The following ENPP6 variants were observed in gnomAD, a reference collection of about 807,000 sequenced individuals.
ENPP6 encodes ectonucleotide pyrophosphatase/phosphodiesterase 6.
Under a neutral mutation model 42.0 loss-of-function variants are expected in ENPP6, and 32 were observed. The ratio of observed to expected loss-of-function variants is 0.76; its 90% CI spans 0.58 to 1.02. The LOEUF is 1.02. ENPP6 is among the 50% of genes least tolerant of loss of function. ENPP6 has a pLI of 0.00. For synonymous variants in ENPP6, 213 were observed against 216.0 expected (o/e 0.99, Z 0.12); for missense variants, 552 against 566.8 (o/e 0.97, Z 0.27).
intron 2 of ENPP6, among the ~76,000 whole-genome samples, chr4:184,125,549 T>C (rs1221226784): frequency 6.6e-6 from 1 of 152,024 alleles, no homozygotes; most frequent in Non-Finnish European, 1.5e-5. Flanking sequence ...ACCCCACCCC[T>C]GGGTACATCT....
chr4:184,141,916 C>T (rs185754976), intron 2 of ENPP6, among the ~76,000 whole-genome samples: 6 of 152,240 alleles, frequency 3.9e-5, no homozygotes, highest in East Asian at 1.9e-4. Context: ...AAATCTGTAA[C>T]GTCTACAATA....
chr4:184,128,819 A>G (rs1736547409), intron 2 of ENPP6, among the ~76,000 whole-genome samples: 1 of 152,234 alleles, frequency 6.6e-6, no homozygotes, highest in Admixed American at 6.5e-5. Flanking sequence ...AAAACTGATC[A>G]TATTCTGGTC....
intron 1 of ENPP6, among the ~76,000 whole-genome samples, chr4:184,158,048 T>C (rs983219428): frequency 3.3e-5 from 5 of 152,196 alleles, no homozygotes; most frequent in Non-Finnish European, 7.3e-5. Flanking sequence ...TCTTTTATTC[T>C]TTTTGCATCC....
Position 184,141,709 on chromosome 4 carries a change from T to C in ENPP6, c.421+11845A>G, listed in dbSNP as rs142922532. Reference sequence around the variant, plus strand: ...TCCTGATTGGAAAATAGAGCATTAGTGAGAACTTAAAGGACAATCAATGAC... The same window carrying C: ...TCCTGATTGGAAAATAGAGCATTAGCGAGAACTTAAAGGACAATCAATGAC... On this transcript the variant is annotated intron_variant, in intron 2 of 7. Coordinates refer to ENST00000296741, the MANE Select transcript of ENPP6 (RefSeq NM_153343.4). 2.7e-3 allele frequency among the ~76,000 whole-genome samples: 405 copies of C among 152,186 alleles called. 6 individuals are homozygous for C. The highest frequency in any genetic ancestry group is 9.1e-3 in the African/African-American group (377 of 41,506).
chr4:184,122,027 A>G (rs1029845680), intron 3 of ENPP6, among the ~76,000 whole-genome samples: 2 of 152,180 alleles, frequency 1.3e-5, no homozygotes, highest in African/African-American at 2.4e-5. Flanking sequence ...TCTTTCTCAC[A>G]TGTCAAGAGC....
intron 1 of ENPP6, among the ~76,000 whole-genome samples, chr4:184,154,251 C>T (rs931068271): frequency 4.6e-5 from 7 of 152,134 alleles, no homozygotes; most frequent in Non-Finnish European, 7.4e-5. Context: ...AAAATAGATT[C>T]AACTTTGAAA....
intron 1 of ENPP6, among the ~76,000 whole-genome samples, chr4:184,156,555 G>A (rs1737162209): frequency 6.6e-6 from 1 of 152,210 alleles, no homozygotes; most frequent in South Asian, 2.1e-4. Context: ...TGGATGTGGT[G>A]TGGTTTTTTG....
In ENPP6 at chr4:184,088,730, A is replaced by AT. The variant is rs1314647798; in HGVS notation, c.*2446dup. 6.6e-6 allele frequency: 1 copy of AT among 152,266 alleles called. No homozygotes were observed. Among genetic ancestry groups the AT allele is most frequent in the Non-Finnish European group, 1.5e-5 (1 of 68,004 alleles). 9.4% of individuals were successfully genotyped at this position (152,266 alleles called of 1,614,324 possible). Reference sequence around the variant, plus strand: ...ATGCATTATTTAAGTAAAAAGCTTTATTTTTTTCCCTCAGTGTCTGAATCT... The same window carrying AT: ...ATGCATTATTTAAGTAAAAAGCTTTATTTTTTTTCCCTCAGTGTCTGAATCT... On this transcript the variant is annotated 3_prime_UTR_variant, in exon 8 of 8. Transcript: ENST00000296741.
chr4:184,186,948 C>A (rs184939457), intron 1 of ENPP6, among the ~76,000 whole-genome samples: 2 of 152,178 alleles, frequency 1.3e-5, no homozygotes. Flanking sequence ...CCAAAGTCTG[C>A]GCCACGACCT....
chr4:184,144,704 C>T (rs1039275613), intron 2 of ENPP6, among the ~76,000 whole-genome samples: 25 of 152,222 alleles, frequency 1.6e-4, no homozygotes, highest in Admixed American at 1.4e-3. Context: ...TGGCACTCTC[C>T]GTGGGAAGGA....
chr4:184,217,547 C>T (rs1733216940), intron 1 of ENPP6, 32 bp downstream of exon 1: 1 of 1,609,738 alleles, frequency 6.2e-7, no homozygotes, highest in Non-Finnish European at 8.5e-7. Flanking sequence ...CCAGCCCTCC[C>T]CTCCCTGCCC....
intron 2 of ENPP6, among the ~76,000 whole-genome samples, chr4:184,143,401 C>T (rs1285307765): frequency 1.3e-5 from 2 of 152,308 alleles, no homozygotes; most frequent in East Asian, 3.9e-4. Context: ...GTCTGTGGGC[C>T]CTGCAAAGCC....
chr4:184,109,358 T>C (rs1033944164), intron 6 of ENPP6, among the ~76,000 whole-genome samples: 8 of 152,202 alleles, frequency 5.3e-5, no homozygotes, highest in Admixed American at 5.2e-4. Context: ...GCAGTAGTTG[T>C]CACTGACTAA....
intron 1 of ENPP6, among the ~76,000 whole-genome samples, chr4:184,185,458 T>G (rs1323223461): frequency 6.6e-6 from 1 of 152,162 alleles, no homozygotes; most frequent in East Asian, 1.9e-4. Flanking sequence ...TAGAGCCACA[T>G]GGTCTCAGCC....
intron 7 of ENPP6, among the ~76,000 whole-genome samples, chr4:184,095,838 T>C (rs1735892615): frequency 1.3e-5 from 2 of 152,102 alleles, no homozygotes; most frequent in South Asian, 2.1e-4. Flanking sequence ...AGAAAGACCA[T>C]GGCCCTGGAA....
chr4:184,164,236 G>T (rs1737314132), intron 1 of ENPP6, among the ~76,000 whole-genome samples: 1 of 152,202 alleles, frequency 6.6e-6, no homozygotes, highest in African/African-American at 2.4e-5. Context: ...ATTGCAACGA[G>T]CATTAAAGAT....
At chr4:184,161,210 C>T (rs1255766788) in intron 1 of ENPP6, among the ~76,000 whole-genome samples, 1 of 151,874 alleles carries the variant, frequency 6.6e-6, no homozygotes, top group East Asian at 1.9e-4. Context: ...AAAAAAAATC[C>T]CATGAAAAAC....
At chr4:184,157,935 A>G (rs1022758577) in intron 1 of ENPP6, among the ~76,000 whole-genome samples, 3 of 152,070 alleles carry the variant, frequency 2.0e-5, no homozygotes, top group Non-Finnish European at 4.4e-5. Context: ...TCTCTTTAAC[A>G]GTGGACATCT....
At chr4:184,137,541 T>C (rs1215551109) in intron 2 of ENPP6, among the ~76,000 whole-genome samples, 1 of 152,258 alleles carries the variant, frequency 6.6e-6, no homozygotes, top group Non-Finnish European at 1.5e-5. Flanking sequence ...GATATGTAGT[T>C]ATCTTCCAGT....
Sources: allele counts gnomAD v4.1 joint callset (sites outside exome capture counted in the v4.1 genomes callset), GRCh38; gene constraint gnomAD v4.1.1; transcripts MANE v1.5; gene names NCBI Gene and HGNC (gene_info 2026-07-23, HGNC 2026-07-21).